VRK3: variants seen among roughly 807,000 people sequenced by gnomAD.
VRK3 encodes the protein serine/threonine-protein kinase VRK3.
VRK3 carries 50 observed loss-of-function variants against 60.4 expected under a neutral mutation model. The observed-to-expected ratio is 0.83, with a 90% CI of 0.66 to 1.05. The LOEUF is 1.05. Among genes scored for constraint, VRK3 ranks in the 50% least tolerant of loss-of-function variants. VRK3 has a pLI of 0.00. For synonymous variants in VRK3, 246 were observed against 227.8 expected, an observed-to-expected ratio of 1.08 and a Z score of -0.72; for missense variants, 549 against 585.3, an observed-to-expected ratio of 0.94 and a Z score of 0.64.
chr19:50,016,233 T>G (rs924673406), intron 2 of VRK3, 70 bp from the exon 3 acceptor site: 2 of 1,591,582 alleles, frequency 1.3e-6, no homozygotes, highest in African/African-American at 1.3e-5. Context: ...ATTGTTGAAC[T>G]GCTCTTAATC....
intron 12 of VRK3, among the ~76,000 whole-genome samples, chr19:49,983,997 T>C (rs2076469982): frequency 6.6e-6 from 1 of 152,200 alleles, no homozygotes; most frequent in Non-Finnish European, 1.5e-5. Flanking sequence ...CATGCTGCTA[T>C]CATTGATATG....
intron 12 of VRK3, among the ~76,000 whole-genome samples, chr19:49,985,146 G>A (rs1441703413): frequency 6.6e-6 from 1 of 152,200 alleles, no homozygotes; most frequent in Non-Finnish European, 1.5e-5. Flanking sequence ...TAGAGTGTGT[G>A]AGGGAGCATT....
intron 11 of VRK3, 52 bp downstream of exon 11, chr19:49,989,587 C>T (rs1039336489): frequency 1.3e-6 from 2 of 1,562,972 alleles, no homozygotes; most frequent in Admixed American, 1.8e-5. Flanking sequence ...TAGAGCTGCC[C>T]TTGTATAAGA....
intron 3 of VRK3, among the ~76,000 whole-genome samples, chr19:50,010,408 A>C (rs2076975076): frequency 6.6e-6 from 1 of 152,162 alleles, no homozygotes; most frequent in African/African-American, 2.4e-5. Flanking sequence ...AGAGACTGGT[A>C]CTCATGATCC....
At chr19:50,020,779 T>C (rs2077158900) in intron 1 of VRK3, 132 bp from the exon 2 acceptor site, 1 of 152,230 alleles carries the variant, frequency 6.6e-6, no homozygotes, top group Non-Finnish European at 1.5e-5. Flanking sequence ...ATTTACTCTA[T>C]AACTATTCAC....
At chr19:50,001,642 G>T (rs775593053) in intron 5 of VRK3, among the ~76,000 whole-genome samples, 1 of 152,144 alleles carries the variant, frequency 6.6e-6, no homozygotes, top group Non-Finnish European at 1.5e-5. Flanking sequence ...TGCTCCAGTA[G>T]CCCTTACTGT....
rs1454447460 is a variant in VRK3, at chr19:49,988,230, A to G, written c.1217+142T>C. On this transcript the variant is annotated intron_variant, in intron 12 of 14. Coordinates refer to ENST00000316763, the MANE Select transcript of VRK3 (RefSeq NM_016440.4). ...GCCTGCTGTGTGGACACTGCAGCACATGCCTGTGCGGCTCAGAGGACTTGG... is the reference window on the plus strand; with the variant it reads ...GCCTGCTGTGTGGACACTGCAGCACGTGCCTGTGCGGCTCAGAGGACTTGG... 4 of 1,326,824 alleles carry G rather than the reference A, an allele frequency of 3.0e-6. No homozygotes were observed. In the African/African-American group the frequency reaches 5.9e-5, roughly 20 times the overall value. The allele number at this position is 1,326,824 out of a possible 1,614,324, so 82.2% of individuals were successfully genotyped here. A position where few individuals can be genotyped will look rare whatever the true frequency, so the allele number is the denominator to read the frequency against.
At chr19:49,999,637 T>G (rs2076765276) in intron 6 of VRK3, 1 of 145,082 alleles carries the variant, frequency 6.9e-6, no homozygotes, top group African/African-American at 2.5e-5. Context: ...TGTGCTCCCC[T>G]CCCAGCCCAC....
At chr19:50,003,392 T>C (rs1423471445) in intron 5 of VRK3, among the ~76,000 whole-genome samples, 7 of 152,194 alleles carry the variant, frequency 4.6e-5, no homozygotes, top group Admixed American at 3.3e-4. Flanking sequence ...GCCCCACCTT[T>C]CATCTGCAAA....
chr19:49,991,995 T>C (rs1241425771), intron 10 of VRK3, among the ~76,000 whole-genome samples: 1 of 152,258 alleles, frequency 6.6e-6, no homozygotes, highest in East Asian at 1.9e-4. Context: ...CTTAAGGTGT[T>C]TCCCATTTCA....
At chr19:49,977,916 A>C (rs1424800252) in intron 14 of VRK3, among the ~76,000 whole-genome samples, 1 of 152,114 alleles carries the variant, frequency 6.6e-6, no homozygotes, top group Non-Finnish European at 1.5e-5. Flanking sequence ...GTGCTCCACG[A>C]ATCGCTTGAC....
At chr19:50,000,681 C>T in intron 6 of VRK3, 109 bp downstream of exon 6, 1 of 1,340,956 alleles carries the variant, frequency 7.5e-7, no homozygotes, top group Non-Finnish European at 1.0e-6. Context: ...AGGTGGGGAC[C>T]CTGGCCCCCG....
chr19:49,998,787 C>G (rs2076748179), intron 6 of VRK3: 1 of 146,106 alleles, frequency 6.8e-6, no homozygotes, highest in African/African-American at 2.6e-5. Flanking sequence ...ACATAGTAAA[C>G]ACACATACAC....
At chr19:49,983,702 T>C (rs1015120701) in intron 12 of VRK3, among the ~76,000 whole-genome samples, 1 of 152,236 alleles carries the variant, frequency 6.6e-6, no homozygotes, top group Non-Finnish European at 1.5e-5. Flanking sequence ...TGAACTACAA[T>C]GTGCAAAAAA....
intron 10 of VRK3, 142 bp downstream of exon 10, chr19:49,992,718 T>C: frequency 1.4e-6 from 1 of 705,046 alleles, no homozygotes; most frequent in Non-Finnish European, 2.3e-6. Context: ...GTTGCTTATC[T>C]TATTTATTTG....
chr19:49,997,443 G>T, intron 7 of VRK3, 61 bp downstream of exon 7: 1 of 1,581,174 alleles, frequency 6.3e-7, no homozygotes, highest in Non-Finnish European at 8.7e-7. Context: ...GAAGTCAAGT[G>T]CTGTGACCAA....
chr19:50,006,892 C>G (rs1361798224), intron 5 of VRK3, among the ~76,000 whole-genome samples: 1 of 152,236 alleles, frequency 6.6e-6, no homozygotes, highest in African/African-American at 2.4e-5. Context: ...TCCTCCCCTT[C>G]CATCCCACAC....
chr19:50,006,300 ACTCT>A (rs1387887147), intron 5 of VRK3, among the ~76,000 whole-genome samples: 1 of 150,222 alleles, frequency 6.7e-6, no homozygotes, highest in East Asian at 1.9e-4. Flanking sequence ...ACAGAGCAAG[ACTCT>A]CTCTCAAAAA....
At chr19:50,010,077 TAC>T (rs1464759725) in intron 3 of VRK3, among the ~76,000 whole-genome samples, 2 of 150,578 alleles carry the variant, frequency 1.3e-5, no homozygotes, top group Admixed American at 6.6e-5. Flanking sequence ...CACACACATA[TAC>T]ACACATACAA....
Sources: allele counts gnomAD v4.1 joint callset (sites outside exome capture counted in the v4.1 genomes callset), GRCh38; gene constraint gnomAD v4.1.1; transcripts MANE v1.5; gene names NCBI Gene and HGNC (gene_info 2026-07-23, HGNC 2026-07-21).